The following APBA1 variants were observed in gnomAD, a reference collection of about 807,000 sequenced individuals.
APBA1 encodes the protein amyloid-beta A4 precursor protein-binding family A member 1.
Under a neutral mutation model 86.6 loss-of-function variants are expected in APBA1, and 55 were observed. That is an observed-to-expected ratio of 0.64 (90% CI 0.51 to 0.80). The LOEUF (loss-of-function observed/expected upper bound fraction) is 0.80. APBA1 is among the 30% of genes least tolerant of loss of function. The probability of loss-of-function intolerance (pLI) is 0.00; values close to 1 mark genes in which losing one functional copy is unlikely to be tolerated. For missense variants in APBA1, 1,090 were observed against 1,183.0 expected (o/e 0.92, Z 1.15); for synonymous variants, 511 against 493.9 (o/e 1.03, Z -0.46).
At position 69,476,069 on chromosome 9, in the gene APBA1, C is replaced by T; in HGVS notation, c.1275G>A (p.Val425=). ...SSTSLHPSDP[V]EASTNKESRK... ...CTACCTCTTTATTAGTGGACGCTTC[C>T]ACAGGGTCACTGGGGTGAAGAGATG... The change falls in exon 3 of 13, where the codon GTG becomes GTA. Residue 425 remains valine, a synonymous_variant. Transcript: ENST00000265381. 6.2e-7 allele frequency: 1 copy of T among 1,614,114 alleles called. No individual in the cohort carries two copies. The highest frequency in any genetic ancestry group is 8.5e-7 in the Non-Finnish European group (1 of 1,180,008).
chr9:69,550,666 G>T (rs1373565625), intron 1 of APBA1, among the ~76,000 whole-genome samples: 1 of 152,190 alleles, frequency 6.6e-6, no homozygotes, highest in Non-Finnish European at 1.5e-5. Flanking sequence ...CTTACCCTGA[G>T]GAGTTTACAA....
chr9:69,567,573 C>A (rs1242207173), intron 1 of APBA1, among the ~76,000 whole-genome samples: 3 of 152,076 alleles, frequency 2.0e-5, no homozygotes, highest in Non-Finnish European at 4.4e-5. Flanking sequence ...TCCCTCCCCC[C>A]TCCACAACCC....
Position 69,516,788 on chromosome 9 carries a change from C to T in APBA1, c.423G>A (p.Thr141=), listed in dbSNP as rs753806271. Residue 141 remains threonine (T), a synonymous_variant, in exon 2 of 13, where the codon ACG becomes ACA. Transcript: ENST00000265381. The surrounding 1 kb of genome is among the most constrained non-coding windows in gnomAD (Gnocchi z 7.3). ...EQAEAEHAEA[T]HRRALPNHLH... ...GGTGGTTGGGCAGCGCGCGGCGGTG[C>T]GTGGCCTCGGCGTGCTCGGCCTCTG... 1 of 1,610,320 alleles carries T rather than the reference C, an allele frequency of 6.2e-7. No homozygotes were observed. Among genetic ancestry groups the T allele is most frequent in the Non-Finnish European group, 8.5e-7 (1 of 1,179,452 alleles).
chr9:69,496,853 A>C (rs1378433639), intron 2 of APBA1, among the ~76,000 whole-genome samples: 1 of 151,652 alleles, frequency 6.6e-6, no homozygotes, highest in Non-Finnish European at 1.5e-5. Context: ...CCCCATTATC[A>C]CTCTTGAAAA....
chr9:69,530,593 T>A (rs1836415691), intron 1 of APBA1, among the ~76,000 whole-genome samples: 1 of 152,034 alleles, frequency 6.6e-6, no homozygotes, highest in Admixed American at 6.6e-5. Flanking sequence ...AGGTGACGGT[T>A]GAAAACCTTA....
chr9:69,498,162 T>C (rs1835829444), intron 2 of APBA1, among the ~76,000 whole-genome samples: 1 of 152,078 alleles, frequency 6.6e-6, no homozygotes, highest in Non-Finnish European at 1.5e-5. Flanking sequence ...CAAAAAACCA[T>C]GACTTCCATC....
intron 1 of APBA1, among the ~76,000 whole-genome samples, chr9:69,663,167 CAGAAG>C (rs1199600287): frequency 6.6e-6 from 1 of 152,202 alleles, no homozygotes; most frequent in Non-Finnish European, 1.5e-5. Context: ...ACATACAGAA[CAGAAG>C]AGAATAGGAT....
At chr9:69,658,313 TC>T (rs1301219630) in intron 1 of APBA1, among the ~76,000 whole-genome samples, 3 of 51,202 alleles carry the variant, frequency 5.9e-5, no homozygotes, top group African/African-American at 2.1e-4. Context: ...TCTCTTTCTT[TC>T]TTTCTTTCTT....
intron 1 of APBA1, among the ~76,000 whole-genome samples, chr9:69,578,442 C>A (rs1226778694): frequency 6.6e-6 from 1 of 152,158 alleles, no homozygotes; most frequent in Non-Finnish European, 1.5e-5. Context: ...GCTGGGGGTT[C>A]TCTGGGTCTT....
intron 12 of APBA1, among the ~76,000 whole-genome samples, chr9:69,432,025 C>T (rs1806816): frequency 6.6e-6 from 1 of 151,340 alleles, no homozygotes. Flanking sequence ...TGAATGACAG[C>T]AGTGATGACT....
intron 1 of APBA1, among the ~76,000 whole-genome samples, chr9:69,517,766 G>T (rs11139065): frequency 0.39 from 59,104 of 152,130 alleles, 12,523 homozygotes; most frequent in Non-Finnish European, 0.47. Context: ...GCCAGCAGTG[G>T]GGTCCCGCCC....
At chr9:69,604,104 T>C (rs1319087917) in intron 1 of APBA1, among the ~76,000 whole-genome samples, 1 of 152,220 alleles carries the variant, frequency 6.6e-6, no homozygotes, top group African/African-American at 2.4e-5. Flanking sequence ...TGAGGACAAG[T>C]CTCAAATCAG....
chr9:69,648,741 T>G (rs1437571238), intron 1 of APBA1, among the ~76,000 whole-genome samples: 1 of 152,150 alleles, frequency 6.6e-6, no homozygotes, highest in Non-Finnish European at 1.5e-5. Context: ...GCCACCTTTT[T>G]TAAGCATCCA....
intron 10 of APBA1, among the ~76,000 whole-genome samples, chr9:69,446,054 A>G (rs2133801268): frequency 6.6e-6 from 1 of 152,320 alleles, no homozygotes; most frequent in South Asian, 2.1e-4. Flanking sequence ...ACACTGAAAC[A>G]AATTTGAACA....
intron 10 of APBA1, among the ~76,000 whole-genome samples, chr9:69,446,350 G>A (rs750735291): frequency 2.0e-4 from 31 of 152,106 alleles, no homozygotes; most frequent in Non-Finnish European, 3.1e-4. Context: ...TGCTCTAATC[G>A]GGGTCTGCCC....
At chr9:69,467,242 C>G (rs993153753) in intron 5 of APBA1, among the ~76,000 whole-genome samples, 9 of 152,204 alleles carry the variant, frequency 5.9e-5, no homozygotes, top group Non-Finnish European at 1.2e-4. Context: ...ATCAAACAGG[C>G]TCGTTCCTTT....
intron 2 of APBA1, among the ~76,000 whole-genome samples, chr9:69,492,162 C>T (rs571849264): frequency 6.6e-6 from 1 of 152,224 alleles, no homozygotes; most frequent in Admixed American, 6.5e-5. Context: ...CAGCGTCTGG[C>T]AGATCAGAGT....
chr9:69,582,248 A>G (rs1821926049), intron 1 of APBA1, among the ~76,000 whole-genome samples: 1 of 152,228 alleles, frequency 6.6e-6, no homozygotes, highest in South Asian at 2.1e-4. Context: ...TTAAATGATC[A>G]GATACAAAGT....
intron 8 of APBA1, among the ~76,000 whole-genome samples, chr9:69,453,627 TG>T (rs1445718940): frequency 6.6e-6 from 1 of 152,246 alleles, no homozygotes; most frequent in African/African-American, 2.4e-5. Context: ...ATCCTTCACT[TG>T]GAATGCAAGA....
Sources: gnomAD v4.1 joint callset for allele counts (sites outside exome capture counted in the v4.1 genomes callset) on GRCh38, gnomAD v4.1.1 for gene constraint, Gnocchi (gnomAD v3.1) non-coding constraint, MANE v1.5 for transcripts, NCBI Gene and HGNC (gene_info 2026-07-23, HGNC 2026-07-21) for gene names.